MACROD1: variants seen among roughly 807,000 people sequenced by gnomAD.
MACROD1 encodes ADP-ribose glycohydrolase MACROD1.
A neutral mutation model predicts 41.4 loss-of-function variants in MACROD1; 31 were observed. That is an observed-to-expected ratio of 0.75 (90% confidence interval 0.56 to 1.01). The LOEUF is 1.01. Among genes scored for constraint, MACROD1 ranks in the 50% least tolerant of loss-of-function variants. The pLI is 0.00. For missense variants in MACROD1, 473 were observed against 460.0 expected (o/e 1.03, Z -0.26); for synonymous variants, 252 against 203.4 (o/e 1.24, Z -2.03).
At chr11:64,042,561 C>T (rs1943508205) in intron 3 of MACROD1, among the ~76,000 whole-genome samples, 1 of 152,152 alleles carries the variant, frequency 6.6e-6, no homozygotes, top group South Asian at 2.1e-4. Flanking sequence ...AGGGCCACCC[C>T]CTTGGCTAGC....
At chr11:64,131,314 C>T (rs936685085) in intron 3 of MACROD1, among the ~76,000 whole-genome samples, 1 of 152,162 alleles carries the variant, frequency 6.6e-6, no homozygotes, top group African/African-American at 2.4e-5. Flanking sequence ...GTGGGGGCTC[C>T]ATGATCCCTC....
At chr11:64,030,031 C>T (rs1346013987) in intron 3 of MACROD1, among the ~76,000 whole-genome samples, 1 of 152,094 alleles carries the variant, frequency 6.6e-6, no homozygotes, top group African/African-American at 2.4e-5. Flanking sequence ...TGGGGGCTGA[C>T]CAGCTGACAG....
intron 3 of MACROD1, among the ~76,000 whole-genome samples, chr11:64,040,608 C>T (rs558305507): frequency 6.6e-6 from 1 of 152,340 alleles, no homozygotes; most frequent in Non-Finnish European, 1.5e-5. Context: ...TGTGTGTTCA[C>T]CTGCGTAGAC....
At chr11:64,061,016 C>T (rs1047179859) in intron 3 of MACROD1, among the ~76,000 whole-genome samples, 8 of 152,234 alleles carry the variant, frequency 5.3e-5, no homozygotes, top group Admixed American at 2.0e-4. Flanking sequence ...ACCCAGGCAT[C>T]CTCAACCGCG....
chr11:64,079,301 C>A (rs1473495691), intron 3 of MACROD1, among the ~76,000 whole-genome samples: 1 of 151,930 alleles, frequency 6.6e-6, no homozygotes, highest in Non-Finnish European at 1.5e-5. Context: ...GCTGCAGATG[C>A]CTCTGGGAAT....
At chr11:64,084,315 T>G (rs1243351444) in intron 3 of MACROD1, among the ~76,000 whole-genome samples, 2 of 151,400 alleles carry the variant, frequency 1.3e-5, no homozygotes, top group African/African-American at 4.9e-5. Flanking sequence ...TGTGTGAGAG[T>G]GGGGGATGCC....
At chr11:64,027,800 C>T (rs2134358779) in intron 3 of MACROD1, among the ~76,000 whole-genome samples, 1 of 152,310 alleles carries the variant, frequency 6.6e-6, no homozygotes, top group Non-Finnish European at 1.5e-5. Flanking sequence ...GCAAGGAGCC[C>T]TTGACCTAGG....
intron 3 of MACROD1, among the ~76,000 whole-genome samples, chr11:64,121,916 G>A (rs1340171592): frequency 6.6e-6 from 1 of 151,562 alleles, no homozygotes; most frequent in Non-Finnish European, 1.5e-5. Flanking sequence ...GTAATTAGAT[G>A]TAGTGATTGG....
At chr11:64,037,646 G>GGTGT (rs140636012) in intron 3 of MACROD1, among the ~76,000 whole-genome samples, 1 of 151,748 alleles carries the variant, frequency 6.6e-6, no homozygotes, top group Non-Finnish European at 1.5e-5. Flanking sequence ...ATGGGCACAG[G>GGTGT]GTGTGTGTGT....
intron 3 of MACROD1, chr11:64,138,644 G>A (rs1328406952): frequency 3.7e-5 from 27 of 726,090 alleles, no homozygotes; most frequent in Non-Finnish European, 4.6e-5. Context: ...ATGCCGCTCG[G>A]CTCTGGTTTT....
chr11:64,068,403 G>A (rs1433590316), intron 3 of MACROD1, among the ~76,000 whole-genome samples: 1 of 152,226 alleles, frequency 6.6e-6, no homozygotes, highest in African/African-American at 2.4e-5. Context: ...GTAAAATGGA[G>A]GTATCTACTG....
intron 3 of MACROD1, among the ~76,000 whole-genome samples, chr11:64,066,044 C>T (rs1257939417): frequency 2.0e-5 from 3 of 151,958 alleles, no homozygotes; most frequent in African/African-American, 7.2e-5. Flanking sequence ...GCCTGTAATC[C>T]CAACACTTTG....
intron 3 of MACROD1, among the ~76,000 whole-genome samples, chr11:64,138,006 C>G (rs1427439795): frequency 6.6e-6 from 1 of 152,232 alleles, no homozygotes; most frequent in Non-Finnish European, 1.5e-5. Flanking sequence ...TCACCATTTA[C>G]TGAATTCCAA....
chr11:64,165,350 G>C (rs1945823071), intron 1 of MACROD1, among the ~76,000 whole-genome samples: 1 of 152,216 alleles, frequency 6.6e-6, no homozygotes. Flanking sequence ...GTGGCACTCG[G>C]CCTCAGTTTC....
In MACROD1 at chr11:64,146,058, C is replaced by T. The variant is rs1945491084; in HGVS notation, c.517+5181G>A. ...GTGCTAGGATAACAGGCGTGAGCCA[C>T]CGTGCCTGGCCAAGAATGGGGATCT... is the stretch of plus-strand genomic sequence containing the variant. On this transcript the variant is annotated intron_variant, in intron 3 of 10. Coordinates refer to ENST00000255681, the MANE Select transcript of MACROD1 (RefSeq NM_014067.4). This position sits in a 1 kb window ranked among gnomAD's most constrained non-coding sequence, Gnocchi z 4.7. Among the ~76,000 whole-genome samples, 1 of 152,184 alleles carries T rather than the reference C, an allele frequency of 6.6e-6. No homozygotes were observed. Among genetic ancestry groups the T allele is most frequent in the African/African-American group, 2.4e-5 (1 of 41,438 alleles).
chr11:63,999,507 C>G, intron 7 of MACROD1, 23 bp downstream of exon 7: 1 of 1,601,446 alleles, frequency 6.2e-7, no homozygotes, highest in Non-Finnish European at 8.5e-7. Flanking sequence ...CACTCCTGGT[C>G]CTTGCCTTTC....
Position 64,036,803 on chromosome 11 carries a change from C to T in MACROD1, c.518-21522G>A, listed in dbSNP as rs990902673. 5.3e-5 allele frequency among the ~76,000 whole-genome samples: 8 copies of T among 152,144 alleles called. No individual in the cohort carries two copies. Among genetic ancestry groups the T allele is most frequent in the African/African-American group, 1.4e-4 (6 of 41,420 alleles). The stretch of plus-strand genomic sequence containing the variant: ...GAGACCATGGTGCCTGGGCGGGGGG[C>T]GGCGGGCACCCCCCATCCCCCAGCT... On this transcript the variant is annotated intron_variant, in intron 3 of 10. Coordinates refer to ENST00000255681, the MANE Select transcript of MACROD1 (RefSeq NM_014067.4). This position sits in a 1 kb window ranked among gnomAD's most constrained non-coding sequence, Gnocchi z 5.6.
At chr11:64,098,208 C>T (rs927922538) in intron 3 of MACROD1, among the ~76,000 whole-genome samples, 3 of 152,224 alleles carry the variant, frequency 2.0e-5, no homozygotes, top group African/African-American at 4.8e-5. Context: ...ACAGCCTCCC[C>T]CCTGCCCTTG....
intron 4 of MACROD1, among the ~76,000 whole-genome samples, chr11:64,005,073 A>G (rs1942888678): frequency 9.4e-6 from 1 of 105,996 alleles, no homozygotes. Context: ...CTCGTTGCCC[A>G]GGCTGGAGTG....
Sources: allele counts gnomAD v4.1 joint callset (sites outside exome capture counted in the v4.1 genomes callset), GRCh38; gene constraint gnomAD v4.1.1; non-coding constraint Gnocchi (gnomAD v3.1); transcripts MANE v1.5; gene names NCBI Gene and HGNC (gene_info 2026-07-23, HGNC 2026-07-21).